COPB2: variants seen among roughly 807,000 people sequenced by gnomAD.
The protein encoded by COPB2 is coat protein complex I subunit beta 2.
A neutral mutation model predicts 120.8 loss-of-function variants in COPB2; 16 were observed. The observed-to-expected ratio is 0.13, with a 90% confidence interval of 0.09 to 0.20. COPB2 has a LOEUF of 0.20. Among genes scored for constraint, COPB2 ranks in the 10% least tolerant of loss-of-function variants. The pLI, the probability that COPB2 is intolerant of heterozygous loss-of-function variation, is 1.00. For synonymous variants in COPB2, 332 were observed against 366.3 expected (o/e 0.91, Z 1.07); for missense variants, 794 against 1,076.5 (o/e 0.74, Z 3.67).
chr3:139,358,417 G>A (rs1390862248), intron 20 of COPB2, 146 bp from the exon 21 acceptor site: 15 of 715,558 alleles, frequency 2.1e-5, no homozygotes, highest in Admixed American at 1.2e-4. Context: ...AGTGGCTCAC[G>A]CCTGTAATCC....
At position 139,389,590 on chromosome 3, in the gene COPB2, C is replaced by G. The variant is rs753610133; in HGVS notation, c.-40G>C. On this transcript the variant is annotated 5_prime_UTR_variant, in exon 1 of 22. Transcript: ENST00000333188. ...AATCCCGGGAACCCTCGTTTGTTAC[C>G]GGCTACTCAGGCCTTGAGATAAACC... 6.4e-7 allele frequency: 1 copy of G among 1,565,642 alleles called. No homozygotes were observed. Among genetic ancestry groups the G allele is most frequent in the South Asian group, 1.1e-5 (1 of 87,128 alleles).
chr3:139,358,112 C>T, intron 21 of COPB2, 88 bp downstream of exon 21: 4 of 1,272,340 alleles, frequency 3.1e-6, no homozygotes, highest in Non-Finnish European at 4.5e-6. Flanking sequence ...ACTGATGTCA[C>T]TTAAACCACA....
At chr3:139,380,305 C>T (rs2107808525) in intron 2 of COPB2, 1 of 152,250 alleles carries the variant, frequency 6.6e-6, no homozygotes, top group South Asian at 2.1e-4. Context: ...GCCACTGCAC[C>T]TAGTCAGTCT....
In COPB2 at chr3:139,358,757, G is replaced by A; in HGVS notation, c.2540C>T (p.Ser847Phe). 1 of 1,611,550 alleles carries A rather than the reference G, an allele frequency of 6.2e-7. No individual in the cohort carries two copies. ...TGCTCTACTGACCTGTTGAGCTGTAGATCTTGAGGGCTGAAAGTCTTTTCC... is the reference window on the plus strand; with the variant it reads ...TGCTCTACTGACCTGTTGAGCTGTAAATCTTGAGGGCTGAAAGTCTTTTCC... Reference protein sequence around the residue: ...EEGKDFQPSRSTAQQELDGKP... With the variant: ...EEGKDFQPSRFTAQQELDGKP... The change falls in exon 20 of 22, where the codon TCT becomes TTT. Residue 847 changes from serine to phenylalanine, a missense_variant. Physicochemically the swap from Ser to Phe is radical, Grantham distance 155. Transcript: ENST00000333188.
At chr3:139,359,611 G>C (rs1941372308) in intron 17 of COPB2, among the ~76,000 whole-genome samples, 1 of 151,986 alleles carries the variant, frequency 6.6e-6, no homozygotes, top group African/African-American at 2.4e-5. Flanking sequence ...AACCTAAAGG[G>C]GCTTTTCAAG....
At chr3:139,386,011 G>C (rs1244543695) in intron 1 of COPB2, among the ~76,000 whole-genome samples, 1 of 152,204 alleles carries the variant, frequency 6.6e-6, no homozygotes, top group East Asian at 1.9e-4. Flanking sequence ...AATATAAAAA[G>C]AAGATCTAGC....
rs535240143 is a variant in COPB2, at chr3:139,372,883, A to G, written c.1094+330T>C. 3.9e-5 allele frequency among the ~76,000 whole-genome samples: 6 copies of G among 152,338 alleles called. No homozygotes were observed. The South Asian group carries it at 1.2e-3, about 32-fold the overall frequency. On this transcript the variant is annotated intron_variant, in intron 9 of 21. Coordinates refer to ENST00000333188, the MANE Select transcript of COPB2 (RefSeq NM_004766.3). ...CAGCAAGCATTTAGAGAGGGCACCT[A>G]CTAAGTCTCAGCATAAGACATACTC... is the stretch of plus-strand genomic sequence containing the variant.
intron 15 of COPB2, among the ~76,000 whole-genome samples, chr3:139,366,137 T>G (rs997374607): frequency 5.3e-5 from 8 of 152,252 alleles, no homozygotes; most frequent in African/African-American, 1.9e-4. Flanking sequence ...GGGCTGATTT[T>G]TTTCTTAAGC....
chr3:139,366,897 A>C, intron 14 of COPB2, 118 bp downstream of exon 14: 1 of 1,472,152 alleles, frequency 6.8e-7, no homozygotes, highest in Non-Finnish European at 9.3e-7. Context: ...GGTTAACAAT[A>C]GGCAACCTAC....
At chr3:139,359,400 A>G (rs767998049) in intron 17 of COPB2, 38 bp from the exon 18 acceptor site, 11 of 1,580,508 alleles carry the variant, frequency 7.0e-6, no homozygotes, top group Non-Finnish European at 8.7e-6. Flanking sequence ...TACCAAGAAT[A>G]AACACTATAA....
In COPB2 at chr3:139,369,375, G is replaced by C. The variant is rs776734443; in HGVS notation, c.1295-8C>G. Reference sequence around the variant, plus strand: ...AGAAGCCGCCGTAGATACCTAAAGGGAACATAAAAAGAGTTTTGCTTAGGC... The same window carrying C: ...AGAAGCCGCCGTAGATACCTAAAGGCAACATAAAAAGAGTTTTGCTTAGGC... On this transcript the variant is annotated splice_region_variant and splice_polypyrimidine_tract_variant and intron_variant, in intron 11 of 21. Transcript: ENST00000333188. 1 of 1,610,440 alleles carries C rather than the reference G, an allele frequency of 6.2e-7. No homozygotes were observed. The highest frequency in any genetic ancestry group is 1.7e-5 in the Admixed American group (1 of 59,396).
At chr3:139,362,560 AATGT>A (rs1333109504) in intron 15 of COPB2, 43 bp from the exon 16 acceptor site, 7 of 1,262,828 alleles carry the variant, frequency 5.5e-6, no homozygotes, top group African/African-American at 3.1e-5. Context: ...TGCATACAAA[AATGT>A]ATGTATGTTT....
intron 7 of COPB2, 39 bp from the exon 8 acceptor site, chr3:139,373,847 C>T: frequency 6.2e-7 from 1 of 1,610,642 alleles, no homozygotes; most frequent in East Asian, 2.2e-5. Context: ...TTGATACAAA[C>T]ATCCGACAAT....
intron 1 of COPB2, chr3:139,388,404 G>GT (rs1941971379): frequency 2.4e-5 from 3 of 124,472 alleles, no homozygotes; most frequent in East Asian, 7.8e-4. Context: ...TCCATGGATT[G>GT]TGGGGGGGGG....
chr3:139,367,697 G>T (rs1358980153), intron 13 of COPB2, among the ~76,000 whole-genome samples: 3 of 152,022 alleles, frequency 2.0e-5, no homozygotes, highest in Non-Finnish European at 2.9e-5. Context: ...ATTAGTATTT[G>T]TAATGTGAAA....
At chr3:139,374,422 C>T in intron 7 of COPB2, 67 bp downstream of exon 7, 1 of 1,216,216 alleles carries the variant, frequency 8.2e-7, no homozygotes, top group Non-Finnish European at 1.2e-6. Flanking sequence ...AATGCAGAGA[C>T]ATTACTTGCT....
At position 139,368,214 on chromosome 3, in the gene COPB2, T is replaced by C. The variant is rs1941555917; in HGVS notation, c.1476A>G (p.Ser492=). 1 of 1,613,954 alleles carries C rather than the reference T, an allele frequency of 6.2e-7. No individual in the cohort carries two copies. The highest frequency in any genetic ancestry group is 1.3e-5 in the African/African-American group (1 of 75,060). Residue 492 remains serine, a synonymous_variant, in exon 13 of 22, where the codon TCA becomes TCG. Coordinates refer to ENST00000333188, the MANE Select transcript of COPB2 (RefSeq NM_004766.3). ...EESFFILKYL[S]EKVLAAQETH... ...TTTCCTGTGCAGCCAAGACTTTTTC[T>C]GACAGATACTTAAGGATAAAAAATG...
chr3:139,368,610 C>A (rs1197795443), intron 12 of COPB2, among the ~76,000 whole-genome samples: 2 of 152,090 alleles, frequency 1.3e-5, no homozygotes, highest in African/African-American at 4.8e-5. Context: ...CATTTTCACC[C>A]ACCCTCCCTA....
At chr3:139,371,861 AG>A in intron 9 of COPB2, 28 bp from the exon 10 acceptor site, 1 of 1,568,992 alleles carries the variant, frequency 6.4e-7, no homozygotes, top group Non-Finnish European at 8.8e-7. Context: ...CAGGGAGGGA[AG>A]TACAGAGGAC....
Sources: gnomAD v4.1 joint callset for allele counts (sites outside exome capture counted in the v4.1 genomes callset) on GRCh38, gnomAD v4.1.1 for gene constraint, MANE v1.5 for transcripts, NCBI Gene and HGNC (gene_info 2026-07-23, HGNC 2026-07-21) for gene names.